The following ATP2B2 variants were observed in gnomAD, a reference collection of about 807,000 sequenced individuals.
The protein encoded by ATP2B2 is ATPase plasma membrane Ca2+ transporting 2.
A neutral mutation model predicts 120.0 loss-of-function variants in ATP2B2; 15 were observed. That is an observed-to-expected ratio of 0.12 (90% CI 0.08 to 0.19). ATP2B2 has a LOEUF of 0.19. Ranked by LOEUF, ATP2B2 falls within the 10% of genes least tolerant of loss-of-function variation. ATP2B2 has a pLI of 1.00. For synonymous variants in ATP2B2, 694 were observed against 700.3 expected, an observed-to-expected ratio of 0.99 and a Z score of 0.14; for missense variants, 1,045 against 1,719.8, an observed-to-expected ratio of 0.61 and a Z score of 6.94.
At chr3:10,383,144 T>A (rs1024391306) in intron 8 of ATP2B2, among the ~76,000 whole-genome samples, 1 of 151,418 alleles carries the variant, frequency 6.6e-6, no homozygotes, top group Non-Finnish European at 1.5e-5. Flanking sequence ...AGTATAATAA[T>A]AATAAAATAA....
At chr3:10,526,569 C>A (rs1298835618) in intron 3 of ATP2B2, among the ~76,000 whole-genome samples, 1 of 152,196 alleles carries the variant, frequency 6.6e-6, no homozygotes, top group Non-Finnish European at 1.5e-5. Flanking sequence ...TGTCTGCTGG[C>A]TCAACCTCTT....
At chr3:10,527,362 C>A (rs1033333887) in intron 3 of ATP2B2, among the ~76,000 whole-genome samples, 4 of 152,212 alleles carry the variant, frequency 2.6e-5, no homozygotes, top group African/African-American at 9.6e-5. Context: ...AACTGAGGCA[C>A]AGAGAGATGG....
chr3:10,688,675 G>A (rs920026097), intron 1 of ATP2B2, among the ~76,000 whole-genome samples: 5 of 152,118 alleles, frequency 3.3e-5, no homozygotes, highest in African/African-American at 4.8e-5. Flanking sequence ...TGTCTCCTGC[G>A]CCAGGCCTCC....
chr3:10,361,844 C>T (rs1575014890), intron 12 of ATP2B2, among the ~76,000 whole-genome samples: 1 of 152,250 alleles, frequency 6.6e-6, no homozygotes, highest in Non-Finnish European at 1.5e-5. Flanking sequence ...GCCCAGCACA[C>T]AGCAGGTGCT....
chr3:10,386,103 C>A (rs1379163352), intron 7 of ATP2B2, among the ~76,000 whole-genome samples: 1 of 152,208 alleles, frequency 6.6e-6, no homozygotes, highest in African/African-American at 2.4e-5. Flanking sequence ...CTGGGTGAAG[C>A]ACACTGTTGC....
intron 1 of ATP2B2, among the ~76,000 whole-genome samples, chr3:10,459,842 G>A (rs1373869856): frequency 6.6e-6 from 1 of 152,260 alleles, no homozygotes; most frequent in East Asian, 1.9e-4. Flanking sequence ...GACAGACTGA[G>A]TGTGCAGTGA....
chr3:10,544,256 T>A (rs1264139304), intron 2 of ATP2B2, among the ~76,000 whole-genome samples: 5 of 152,132 alleles, frequency 3.3e-5, no homozygotes, highest in African/African-American at 4.8e-5. Context: ...TTACCATCGG[T>A]GCAAAACCAG....
intron 3 of ATP2B2, among the ~76,000 whole-genome samples, chr3:10,531,774 A>G (rs2067215096): frequency 6.6e-6 from 1 of 152,146 alleles, no homozygotes; most frequent in African/African-American, 2.4e-5. Context: ...GCTCATCGCA[A>G]TGCCTGGCAC....
chr3:10,386,990 C>T (rs371810794), intron 6 of ATP2B2, among the ~76,000 whole-genome samples: 2 of 152,156 alleles, frequency 1.3e-5, no homozygotes, highest in Non-Finnish European at 2.9e-5. Context: ...AGTCTGGGGG[C>T]GTCTTCCCCT....
Position 10,328,504 on chromosome 3 carries a change from G to T in ATP2B2, c.*310C>A. On this transcript the variant is annotated 3_prime_UTR_variant, in exon 23 of 23. Transcript: ENST00000360273. ...AGTACATTCATGCGGGGGACGTGGT[G>T]GCTGGGCGGGTGCATGGCTGGTCCA... The T allele has an allele frequency of 2.5e-6, 1 of 396,362 alleles. No homozygotes were observed. The highest frequency in any genetic ancestry group is 4.6e-6 in the Non-Finnish European group (1 of 218,828). The allele number at this position is 396,362 out of a possible 1,614,324, so 24.6% of individuals were successfully genotyped here. A position where few individuals can be genotyped will look rare whatever the true frequency, so the allele number is the denominator to read the frequency against.
At chr3:10,592,993 C>G (rs2068679923) in intron 2 of ATP2B2, among the ~76,000 whole-genome samples, 1 of 152,120 alleles carries the variant, frequency 6.6e-6, no homozygotes, top group South Asian at 2.1e-4. Flanking sequence ...TCCATGTTGC[C>G]CAGACTTGTC....
intron 2 of ATP2B2, among the ~76,000 whole-genome samples, chr3:10,597,302 G>C (rs1264402131): frequency 1.6e-5 from 2 of 124,052 alleles, no homozygotes; most frequent in Non-Finnish European, 3.4e-5. Context: ...CACAGGCACA[G>C]ACACACAGAC....
Position 10,340,165 on chromosome 3 carries a change from G to A in ATP2B2, c.3237+77C>T, listed in dbSNP as rs931206424. ...CTGGGGTCTGGCAGCCCATTCCTGG[G>A]GGTCCTGGATTCTCCATCCAGTGCT... On this transcript the variant is annotated intron_variant, in intron 21 of 22. Transcript: ENST00000360273. This position sits in a 1 kb window ranked among gnomAD's most constrained non-coding sequence, Gnocchi z 5.0. 3.5e-5 allele frequency: 49 copies of A among 1,409,006 alleles called. No individual in the cohort carries two copies. Among genetic ancestry groups the A allele is most frequent in the Admixed American group, 1.0e-4 (6 of 58,752 alleles). The allele number at this position is 1,409,006 out of a possible 1,614,324, so 87.3% of individuals were successfully genotyped here.
intron 1 of ATP2B2, among the ~76,000 whole-genome samples, chr3:10,628,761 T>C (rs1193438060): frequency 6.6e-6 from 1 of 152,168 alleles, no homozygotes; most frequent in Non-Finnish European, 1.5e-5. Flanking sequence ...GGTTATACAG[T>C]TGATGCTGGT....
Position 10,340,715 on chromosome 3 carries a change from A to G in ATP2B2, c.2918-11T>C, listed in dbSNP as rs374572080. ...GGAACATCTTCTCGCCTGCCAAGTGAGAGAGTGGGGCTGGGCTGAAGGCAG... is the reference window on the plus strand; with the variant it reads ...GGAACATCTTCTCGCCTGCCAAGTGGGAGAGTGGGGCTGGGCTGAAGGCAG... On this transcript the variant is annotated splice_polypyrimidine_tract_variant and intron_variant, in intron 19 of 22. Transcript: ENST00000360273. This position sits in a 1 kb window ranked among gnomAD's most constrained non-coding sequence, Gnocchi z 5.0. 6.2e-7 allele frequency: 1 copy of G among 1,613,276 alleles called. No homozygotes were observed. Among genetic ancestry groups the G allele is most frequent in the African/African-American group, 1.3e-5 (1 of 74,758 alleles).
At chr3:10,703,329 C>A (rs2071848331) in intron 1 of ATP2B2, among the ~76,000 whole-genome samples, 2 of 152,176 alleles carry the variant, frequency 1.3e-5, no homozygotes, top group South Asian at 4.1e-4. Flanking sequence ...TGAGTGAAGC[C>A]TACCTGGGCA....
chr3:10,392,129 A>G lies in ATP2B2; in HGVS notation c.782-3727T>C, dbSNP rs374393827. 2.2e-4 allele frequency among the ~76,000 whole-genome samples: 33 copies of G among 152,042 alleles called. 1 individual carries two copies. The highest frequency in any genetic ancestry group is 7.7e-4 in the African/African-American group (32 of 41,472). ...GGCCTGGCTCCTCAACCTGACCATG[A>G]GCCCCTTGAAGGCAGTGTCTGAGTG... is the stretch of plus-strand genomic sequence containing the variant. On this transcript the variant is annotated intron_variant, in intron 5 of 22. Transcript: ENST00000360273.
intron 14 of ATP2B2, among the ~76,000 whole-genome samples, chr3:10,356,015 C>T (rs1574996630): frequency 4.7e-5 from 2 of 42,234 alleles, no homozygotes; most frequent in Admixed American, 9.4e-4. Context: ...GCGGAGCTTG[C>T]AGTGAGCCGA....
At chr3:10,602,074 C>A (rs930416513) in intron 2 of ATP2B2, among the ~76,000 whole-genome samples, 1 of 152,340 alleles carries the variant, frequency 6.6e-6, no homozygotes, top group Middle Eastern at 3.4e-3. Context: ...GAGGCTCCAG[C>A]GGCTCTCCTG....
Sources: allele counts gnomAD v4.1 joint callset (sites outside exome capture counted in the v4.1 genomes callset), GRCh38; gene constraint gnomAD v4.1.1; non-coding constraint Gnocchi (gnomAD v3.1); transcripts MANE v1.5; gene names NCBI Gene and HGNC (gene_info 2026-07-23, HGNC 2026-07-21).